ARMH3: variants seen among roughly 807,000 people sequenced by gnomAD.
ARMH3 encodes the protein armadillo like helical domain containing 3.
ARMH3 carries 60 observed loss-of-function variants against 99.1 expected under a neutral mutation model. The observed-to-expected ratio is 0.61, with a 90% confidence interval of 0.49 to 0.75. The LOEUF is 0.75. ARMH3 is among the 30% of genes least tolerant of loss of function. The probability of loss-of-function intolerance (pLI) is 0.00; values close to 1 mark genes in which losing one functional copy is unlikely to be tolerated. For synonymous variants in ARMH3, 285 were observed against 292.8 expected, an observed-to-expected ratio of 0.97 and a Z score of 0.27; for missense variants, 679 against 843.1, an observed-to-expected ratio of 0.81 and a Z score of 2.41.
At position 102,023,799 on chromosome 10, in the gene ARMH3, T is replaced by C. The variant is rs150433139; in HGVS notation, c.508-50A>G. ...AAGTCTGTTCTGAGGTATTCTGATA[T>C]CTTGTGTAATCTCCTCCCCTAACAT... On this transcript the variant is annotated intron_variant, in intron 6 of 25. Coordinates refer to ENST00000370033, the MANE Select transcript of ARMH3 (RefSeq NM_024541.3). 7,189 of 1,488,012 alleles carry C rather than the reference T, an allele frequency of 4.8e-3. 36 individuals are homozygous for C. Among genetic ancestry groups the C allele is most frequent in the Non-Finnish European group, 6.1e-3 (6,485 of 1,069,002 alleles). 92.2% of individuals were successfully genotyped at this position (1,488,012 alleles called of 1,614,324 possible).
chr10:101,934,829 G>T (rs1224589570), intron 23 of ARMH3, among the ~76,000 whole-genome samples: 3 of 152,084 alleles, frequency 2.0e-5, no homozygotes, highest in African/African-American at 7.2e-5. Context: ...GTTAATAGCA[G>T]ACATCTTCCT....
At chr10:102,010,458 A>G (rs1385433265) in intron 11 of ARMH3, among the ~76,000 whole-genome samples, 1 of 152,234 alleles carries the variant, frequency 6.6e-6, no homozygotes, top group Non-Finnish European at 1.5e-5. Context: ...TTCAACCAAC[A>G]TAAAGCTATC....
chr10:102,005,622 T>C (rs377741757), intron 14 of ARMH3, among the ~76,000 whole-genome samples: 2 of 152,290 alleles, frequency 1.3e-5, no homozygotes, highest in South Asian at 2.1e-4. Context: ...CAAAGTTGGA[T>C]TGTCTGTACT....
intron 13 of ARMH3, 68 bp from the exon 14 acceptor site, chr10:102,006,701 T>A: frequency 7.0e-7 from 1 of 1,431,282 alleles, no homozygotes; most frequent in East Asian, 2.3e-5. Flanking sequence ...AAGTGCCTAA[T>A]ACCAATAAGG....
intron 23 of ARMH3, among the ~76,000 whole-genome samples, chr10:101,905,315 A>C (rs1451556596): frequency 1.3e-5 from 2 of 152,194 alleles, no homozygotes; most frequent in African/African-American, 2.4e-5. Context: ...TTATCGTAAC[A>C]TATTGGATTG....
intron 23 of ARMH3, among the ~76,000 whole-genome samples, chr10:101,921,124 T>C (rs1490466255): frequency 1.3e-5 from 2 of 152,214 alleles, no homozygotes; most frequent in African/African-American, 4.8e-5. Context: ...TGGCAAATTT[T>C]ATATTTCTTA....
chr10:101,999,345 C>T (rs1389195695), intron 15 of ARMH3, among the ~76,000 whole-genome samples: 1 of 152,082 alleles, frequency 6.6e-6, no homozygotes, highest in Non-Finnish European at 1.5e-5. Context: ...GCACCCACCA[C>T]CATGCTTGGC....
At chr10:101,896,356 G>T (rs959757865) in intron 23 of ARMH3, among the ~76,000 whole-genome samples, 3 of 152,220 alleles carry the variant, frequency 2.0e-5, no homozygotes, top group African/African-American at 7.2e-5. Context: ...TTATAGGAAA[G>T]GTCCAGAATA....
chr10:101,975,797 T>C (rs1845969149), intron 19 of ARMH3, among the ~76,000 whole-genome samples: 1 of 151,288 alleles, frequency 6.6e-6, no homozygotes, highest in South Asian at 2.1e-4. Flanking sequence ...GAGGCAGATG[T>C]TGCAGTGAGT....
At chr10:102,030,014 G>A (rs1349083937) in intron 4 of ARMH3, among the ~76,000 whole-genome samples, 5 of 151,274 alleles carry the variant, frequency 3.3e-5, no homozygotes, top group African/African-American at 1.2e-4. Context: ...TTGACCTCCT[G>A]GGCTCAGGTG....
chr10:101,974,412 G>A (rs1471244492), intron 20 of ARMH3, among the ~76,000 whole-genome samples: 1 of 152,136 alleles, frequency 6.6e-6, no homozygotes, highest in Non-Finnish European at 1.5e-5. Context: ...CTTCATCACT[G>A]TAATCATCTG....
intron 20 of ARMH3, among the ~76,000 whole-genome samples, chr10:101,958,415 C>G (rs971603646): frequency 2.0e-5 from 3 of 152,200 alleles, no homozygotes; most frequent in African/African-American, 7.2e-5. Flanking sequence ...AGACTGACTG[C>G]CAAGTCCCTA....
chr10:101,884,716 T>C (rs180978477), intron 24 of ARMH3, among the ~76,000 whole-genome samples: 30 of 152,060 alleles, frequency 2.0e-4, no homozygotes, highest in Admixed American at 1.8e-3. Context: ...GATTTGGCAA[T>C]AACTTCTTGG....
At chr10:101,949,503 C>A (rs1025124288) in intron 22 of ARMH3, among the ~76,000 whole-genome samples, 3 of 152,104 alleles carry the variant, frequency 2.0e-5, no homozygotes, top group Admixed American at 2.0e-4. Context: ...TTCAAAGACA[C>A]AAGCTTCCAA....
intron 23 of ARMH3, among the ~76,000 whole-genome samples, chr10:101,934,417 A>G (rs1020096987): frequency 3.3e-5 from 5 of 152,224 alleles, no homozygotes; most frequent in Non-Finnish European, 5.9e-5. Flanking sequence ...TAAGAGATTT[A>G]AAAGAAACAC....
rs534709277 is a variant in ARMH3, at chr10:101,894,740, T to C, written c.1782-5250A>G. Among the ~76,000 whole-genome samples the C allele has an allele frequency of 8.5e-5, 13 of 152,194 alleles. No individual in the cohort carries two copies. The South Asian group carries it at 2.7e-3, about 32-fold the overall frequency. ...TCTAACAGTACTTCTCTCTCACTTT[T>C]ACTGGTCAAAACCTGACAGCTACTT... On this transcript the variant is annotated intron_variant, in intron 23 of 25. Coordinates refer to ENST00000370033, the MANE Select transcript of ARMH3 (RefSeq NM_024541.3).
At chr10:101,893,265 A>C (rs1195051513) in intron 23 of ARMH3, among the ~76,000 whole-genome samples, 2 of 152,142 alleles carry the variant, frequency 1.3e-5, no homozygotes, top group African/African-American at 4.8e-5. Context: ...AAATCAATCT[A>C]CCATTAGACC....
At chr10:101,849,953 C>T in intron 24 of ARMH3, 61 bp from the exon 25 acceptor site, 1 of 1,456,942 alleles carries the variant, frequency 6.9e-7, no homozygotes, top group African/African-American at 1.4e-5. Context: ...CCCTGAGCCC[C>T]ATTCTGCTGA....
rs142895519 is a variant in ARMH3 at position 101,936,278 on chromosome 10, G to A, written c.1781+3585C>T. On this transcript the variant is annotated intron_variant, in intron 23 of 25. Coordinates refer to ENST00000370033, the MANE Select transcript of ARMH3 (RefSeq NM_024541.3). ...GGAGGCCGAGGTGGGTGGATCACGA[G>A]GTCAGGAGTTCGAGACCAGCCTGGC... Among the ~76,000 whole-genome samples the A allele has an allele frequency of 5.5e-3, 835 of 152,134 alleles. 13 individuals are homozygous for A. Among genetic ancestry groups the A allele is most frequent in the South Asian group, 0.012 (60 of 4,812 alleles).
Sources: gnomAD v4.1 joint callset for allele counts (sites outside exome capture counted in the v4.1 genomes callset) on GRCh38, gnomAD v4.1.1 for gene constraint, MANE v1.5 for transcripts, NCBI Gene and HGNC (gene_info 2026-07-23, HGNC 2026-07-21) for gene names.